Variants in INPP4B observed in about 807,000 individuals in gnomAD.
INPP4B encodes the protein inositol polyphosphate 4-phosphatase type II.
A neutral mutation model predicts 122.5 loss-of-function variants in INPP4B; 55 were observed. That is an observed-to-expected ratio of 0.45 (90% CI 0.36 to 0.56). The LOEUF (loss-of-function observed/expected upper bound fraction) is 0.56. Ranked by LOEUF, INPP4B falls within the 20% of genes least tolerant of loss-of-function variation. INPP4B has a pLI of 0.00. For synonymous variants in INPP4B, 403 were observed against 388.7 expected, an observed-to-expected ratio of 1.04 and a Z score of -0.43; for missense variants, 1,000 against 1,097.7, an observed-to-expected ratio of 0.91 and a Z score of 1.26.
chr4:142,801,838 A>T (rs542834339), intron 1 of INPP4B, among the ~76,000 whole-genome samples: 16 of 152,286 alleles, frequency 1.1e-4, no homozygotes, highest in Non-Finnish European at 2.2e-4. Flanking sequence ...ATAGACTAAA[A>T]TAATAACAAA....
chr4:142,180,076 A>T (rs954212922), intron 15 of INPP4B, among the ~76,000 whole-genome samples: 4 of 152,178 alleles, frequency 2.6e-5, no homozygotes, highest in Non-Finnish European at 5.9e-5. Flanking sequence ...TACTCTGCAA[A>T]TATAAAAGTT....
At chr4:142,706,072 T>G (rs538656610) in intron 2 of INPP4B, among the ~76,000 whole-genome samples, 5 of 152,372 alleles carry the variant, frequency 3.3e-5, no homozygotes, top group Non-Finnish European at 7.3e-5. Context: ...CCTCCTGTCC[T>G]GTTATACTGA....
intron 7 of INPP4B, among the ~76,000 whole-genome samples, chr4:142,367,612 C>G (rs577953470): frequency 1.3e-5 from 2 of 152,058 alleles, no homozygotes; most frequent in African/African-American, 2.4e-5. Context: ...TGCCAAGACT[C>G]AAATCTAGAT....
chr4:142,630,261 T>C (rs1747643656), intron 2 of INPP4B, among the ~76,000 whole-genome samples: 1 of 152,154 alleles, frequency 6.6e-6, no homozygotes, highest in Non-Finnish European at 1.5e-5. Context: ...TCTAAGAATG[T>C]GGTTAAATAA....
At chr4:142,810,128 C>T (rs1779323347) in intron 1 of INPP4B, among the ~76,000 whole-genome samples, 1 of 149,254 alleles carries the variant, frequency 6.7e-6, no homozygotes, top group Non-Finnish European at 1.5e-5. Context: ...CGAGATCGCG[C>T]CACTGTACTC....
intron 2 of INPP4B, among the ~76,000 whole-genome samples, chr4:142,719,993 C>T (rs1373511137): frequency 6.6e-6 from 1 of 152,148 alleles, no homozygotes; most frequent in East Asian, 1.9e-4. Flanking sequence ...GCACAAATAC[C>T]CATCCAATGA....
intron 2 of INPP4B, among the ~76,000 whole-genome samples, chr4:142,525,109 G>A (rs1379448108): frequency 3.3e-5 from 5 of 150,178 alleles, no homozygotes; most frequent in East Asian, 2.0e-4. Context: ...CAAACAGAGA[G>A]CCAAATCATG....
At chr4:142,337,732 A>ATTT (rs1777225067) in intron 7 of INPP4B, among the ~76,000 whole-genome samples, 1 of 43,468 alleles carries the variant, frequency 2.3e-5, no homozygotes, top group African/African-American at 6.9e-5. Flanking sequence ...TATTTTATAT[A>ATTT]TATTTATATA....
chr4:142,803,320 A>G lies in INPP4B; in HGVS notation c.-254+42889T>C, dbSNP rs563605222. Among the ~76,000 whole-genome samples the G allele has an allele frequency of 3.3e-5, 5 of 152,146 alleles. No homozygotes were observed. In the Middle Eastern group the frequency reaches 0.014, roughly 414 times the overall value. On this transcript the variant is annotated intron_variant, in intron 1 of 25. Coordinates refer to ENST00000262992, the MANE Select transcript of INPP4B (RefSeq NM_001101669.3). ...GTATAGATAGTGTAATTTTAAGAAT[A>G]TATTCATTTAATAATCAGGCAGTAG...
Position 142,570,545 on chromosome 4 carries a change from GA to G in INPP4B, c.-190-107820del, listed in dbSNP as rs1732575157. On this transcript the variant is annotated intron_variant, in intron 2 of 25. Coordinates refer to ENST00000262992, the MANE Select transcript of INPP4B (RefSeq NM_001101669.3). ...CCCTACAATTGACTATAAGCTACATGAAGGCACGATCTGACTTGATTCTGAA... is the reference window on the plus strand; with the variant it reads ...CCCTACAATTGACTATAAGCTACATGAGGCACGATCTGACTTGATTCTGAA... Among the ~76,000 whole-genome samples, 4 of 152,074 alleles carry G rather than the reference GA, an allele frequency of 2.6e-5. No individual in the cohort carries two copies. The South Asian group carries it at 8.3e-4, about 32-fold the overall frequency.
At chr4:142,692,252 A>G (rs1312529847) in intron 2 of INPP4B, among the ~76,000 whole-genome samples, 1 of 152,208 alleles carries the variant, frequency 6.6e-6, no homozygotes, top group African/African-American at 2.4e-5. Flanking sequence ...TAAATAGATT[A>G]CTAAAACAAA....
At chr4:142,539,919 G>A (rs965246331) in intron 2 of INPP4B, among the ~76,000 whole-genome samples, 25 of 151,922 alleles carry the variant, frequency 1.6e-4, no homozygotes, top group Non-Finnish European at 5.9e-5. Flanking sequence ...ACAATTGCAG[G>A]AGGAAACTGA....
At chr4:142,030,098 T>C in intron 25 of INPP4B, 1 of 1,489,152 alleles carries the variant, frequency 6.7e-7, no homozygotes, top group South Asian at 1.3e-5. Context: ...TTGTCATTTG[T>C]AGAAAAGAAA....
At chr4:142,035,585 A>C (rs779670665) in intron 25 of INPP4B, among the ~76,000 whole-genome samples, 2 of 152,176 alleles carry the variant, frequency 1.3e-5, no homozygotes, top group Non-Finnish European at 2.9e-5. Flanking sequence ...GAGGGCCAGG[A>C]CATGCAGCTT....
intron 14 of INPP4B, among the ~76,000 whole-genome samples, chr4:142,204,833 G>A (rs565861661): frequency 1.3e-5 from 2 of 152,120 alleles, no homozygotes; most frequent in Admixed American, 6.6e-5. Flanking sequence ...GGGAAGCATG[G>A]CCCTGATGAC....
chr4:142,069,923 C>T (rs761209009), intron 25 of INPP4B, among the ~76,000 whole-genome samples: 2 of 152,136 alleles, frequency 1.3e-5, no homozygotes, highest in African/African-American at 2.4e-5. Context: ...GAACTGGTAC[C>T]GTTTCTTCTG....
chr4:142,721,059 A>G (rs1200599292), intron 2 of INPP4B, among the ~76,000 whole-genome samples: 2 of 151,268 alleles, frequency 1.3e-5, no homozygotes, highest in Non-Finnish European at 1.5e-5. Context: ...TTTGTCTTCA[A>G]TGATGTGATT....
intron 18 of INPP4B, among the ~76,000 whole-genome samples, chr4:142,135,214 G>A (rs187216397): frequency 2.2e-4 from 34 of 152,176 alleles, no homozygotes; most frequent in African/African-American, 7.5e-4. Flanking sequence ...ATTATGTTAG[G>A]TTCTGGAGAT....
intron 7 of INPP4B, among the ~76,000 whole-genome samples, chr4:142,365,104 T>C (rs147338628): frequency 5.3e-5 from 8 of 152,210 alleles, no homozygotes; most frequent in African/African-American, 1.9e-4. Flanking sequence ...GAAAGTTTTA[T>C]AAAAGACATG....
Sources: allele counts gnomAD v4.1 joint callset (sites outside exome capture counted in the v4.1 genomes callset), GRCh38; gene constraint gnomAD v4.1.1; transcripts MANE v1.5; gene names NCBI Gene and HGNC (gene_info 2026-07-23, HGNC 2026-07-21).